AKT1: variants seen among roughly 807,000 people sequenced by gnomAD.
AKT1 encodes the protein RAC-alpha serine/threonine-protein kinase.
Under a neutral mutation model 63.1 loss-of-function variants are expected in AKT1, and 21 were observed. The ratio of observed to expected loss-of-function variants is 0.33; its 90% confidence interval spans 0.24 to 0.48. AKT1 has a LOEUF of 0.48. AKT1 is among the 20% of genes least tolerant of loss of function. The pLI is 0.99. For missense variants in AKT1, 382 were observed against 666.0 expected, an observed-to-expected ratio of 0.57 and a Z score of 4.69; for synonymous variants, 257 against 253.1, an observed-to-expected ratio of 1.02 and a Z score of -0.15.
In AKT1 at chr14:104,775,805, G is replaced by T; in HGVS notation, c.288-6C>A. 6.2e-7 allele frequency: 1 copy of T among 1,613,558 alleles called. No individual in the cohort carries two copies. Among genetic ancestry groups the T allele is most frequent in the Non-Finnish European group, 8.5e-7 (1 of 1,179,778 alleles). On this transcript the variant is annotated splice_region_variant and splice_polypyrimidine_tract_variant and intron_variant, in intron 5 of 14. Transcript: ENST00000649815. ...TGGCGGTTGTCCACTCCTCCCTGCA[G>T]GAGGTCAGGTGAGGCTGCAGGCCTG...
At chr14:104,784,851 C>T (rs1468212178) in intron 3 of AKT1, among the ~76,000 whole-genome samples, 1 of 152,230 alleles carries the variant, frequency 6.6e-6, no homozygotes, top group Non-Finnish European at 1.5e-5. Flanking sequence ...TGGCCCTCCA[C>T]GTCCCGGGAC....
At chr14:104,775,946 G>A (rs1286616824) in intron 5 of AKT1, 147 bp from the exon 6 acceptor site, 1 of 943,006 alleles carries the variant, frequency 1.1e-6, no homozygotes, top group African/African-American at 1.7e-5. Flanking sequence ...ACTTGACCTG[G>A]TCTGGCCACA....
chr14:104,771,249 C>T (rs1315892086), intron 13 of AKT1: 3 of 287,422 alleles, frequency 1.0e-5, no homozygotes, highest in Non-Finnish European at 2.0e-5. Flanking sequence ...ACAAGGTGCA[C>T]AGGATGAGCC....
chr14:104,793,427 C>T (rs1348792626), intron 1 of AKT1, 123 bp from the exon 2 acceptor site: 1 of 207,260 alleles, frequency 4.8e-6, no homozygotes, highest in Non-Finnish European at 9.8e-6. Context: ...ACCCCAGGCC[C>T]CTCCTAAACC....
chr14:104,785,831 G>A (rs1413713610), intron 3 of AKT1, among the ~76,000 whole-genome samples: 2 of 152,052 alleles, frequency 1.3e-5, no homozygotes, highest in African/African-American at 4.8e-5. Flanking sequence ...CGTCCACCTC[G>A]CTGAGGCACA....
intron 1 of AKT1, among the ~76,000 whole-genome samples, chr14:104,794,853 T>C (rs1210558465): frequency 2.0e-5 from 3 of 152,226 alleles, no homozygotes; most frequent in Non-Finnish European, 2.9e-5. Context: ...CGCCCCAGGA[T>C]ACTCAATCTA....
chr14:104,776,898 T>G, intron 4 of AKT1, 128 bp from the exon 5 acceptor site: 4 of 694,568 alleles, frequency 5.8e-6, no homozygotes, highest in Non-Finnish European at 7.2e-6. Flanking sequence ...GCCCCATCTC[T>G]TCCTCTCTCC....
Position 104,776,745 on chromosome 14 carries a change from C to A in AKT1, c.201G>T (p.Arg67=), listed in dbSNP as rs1452532489. 4.3e-6 allele frequency: 7 copies of A among 1,613,120 alleles called. No individual in the cohort carries two copies. Among genetic ancestry groups the A allele is most frequent in the Middle Eastern group, 1.6e-4 (1 of 6,078 alleles). ...GGATGATGAAGGTGTTGGGCCGGGGCCGCTCCGTCTTCATCAGCTGGCACT... is the reference window on the plus strand; with the variant it reads ...GGATGATGAAGGTGTTGGGCCGGGGACGCTCCGTCTTCATCAGCTGGCACT... ...VAQCQLMKTE[R]PRPNTFIIRC... Residue 67 remains arginine, a synonymous_variant, in exon 5 of 15, where the codon CGG becomes CGT. Transcript: ENST00000649815.
At chr14:104,772,010 C>T in intron 13 of AKT1, 1 of 446,338 alleles carries the variant, frequency 2.2e-6, no homozygotes, top group South Asian at 2.7e-5. Context: ...GGCAGCACCC[C>T]TGGTCCACCA....
rs143245295 is a variant in AKT1, at chr14:104,776,120, G to A, written c.288-321C>T. The A allele has an allele frequency of 0.015, 3,920 of 255,962 alleles. 68 individuals carry two copies. Among genetic ancestry groups the A allele is most frequent in the South Asian group, 0.054 (995 of 18,416 alleles). The allele number at this position is 255,962 out of a possible 1,614,324, so 15.9% of individuals were successfully genotyped here. On this transcript the variant is annotated intron_variant, in intron 5 of 14. Coordinates refer to ENST00000649815, the MANE Select transcript of AKT1 (RefSeq NM_001382430.1). ...GACTCCGCCTCCCAAGCAGGACTCC[G>A]CCCCCCAAGGAGGACTGGCCCTCTC...
rs952698197 is a variant in AKT1, at chr14:104,772,872, C to T, written c.1172+6G>A. On this transcript the variant is annotated splice_donor_region_variant and intron_variant, in intron 12 of 14. Coordinates refer to ENST00000649815, the MANE Select transcript of AKT1 (RefSeq NM_001382430.1). ...GTAGCCTGTAGCTGGGATGGGCGGC[C>T]CTCACCTCTGCTTGGGGTCCTTCTT... is the stretch of plus-strand genomic sequence containing the variant. 6.2e-7 allele frequency: 1 copy of T among 1,605,682 alleles called. No individual in the cohort carries two copies.
At position 104,769,673 on chromosome 14, in the gene AKT1, TA is replaced by T. The variant is rs1318675066; in HGVS notation, c.*667del. 2.1e-6 allele frequency: 1 copy of T among 467,846 alleles called. No homozygotes were observed. The highest frequency in any genetic ancestry group is 1.7e-5 in the South Asian group (1 of 57,300). 29.0% of individuals were successfully genotyped at this position (467,846 alleles called of 1,614,324 possible). A position where few individuals can be genotyped will look rare whatever the true frequency, so the allele number is the denominator to read the frequency against. ...GGGAGGGCTTTCCTGTCACAAAGATTAAAAACCCCCAAAATGCATTTGAACA... is the reference window on the plus strand; with the variant it reads ...GGGAGGGCTTTCCTGTCACAAAGATTAAAACCCCCAAAATGCATTTGAACA... On this transcript the variant is annotated 3_prime_UTR_variant, in exon 15 of 15. Transcript: ENST00000649815.
In AKT1 at chr14:104,780,244, C is replaced by T. The variant is rs61761180; in HGVS notation, c.47-28G>A. On this transcript the variant is annotated intron_variant, in intron 3 of 14. Coordinates refer to ENST00000649815, the MANE Select transcript of AKT1 (RefSeq NM_001382430.1). Reference sequence around the variant, plus strand: ...ACAGACGTGCGGGTGGTGAGAGCCACGCACACTCTACCCGTCAGACCCTCG... The same window carrying T: ...ACAGACGTGCGGGTGGTGAGAGCCATGCACACTCTACCCGTCAGACCCTCG... 378 of 1,610,790 alleles carry T rather than the reference C, an allele frequency of 2.3e-4. No homozygotes were observed. The African/African-American group carries it at 3.4e-3, about 14-fold the overall frequency.
At chr14:104,786,661 G>A (rs910378272) in intron 3 of AKT1, among the ~76,000 whole-genome samples, 5 of 152,220 alleles carry the variant, frequency 3.3e-5, no homozygotes, top group African/African-American at 4.8e-5. Context: ...CCACCATCTT[G>A]TTTCTGCCCC....
At chr14:104,785,242 C>G (rs116279834) in intron 3 of AKT1, among the ~76,000 whole-genome samples, 1 of 152,158 alleles carries the variant, frequency 6.6e-6, no homozygotes, top group Non-Finnish European at 1.5e-5. Flanking sequence ...CACAGCTCAC[C>G]GCGAAGGGCC....
At position 104,773,585 on chromosome 14, in the gene AKT1, G is replaced by A. The variant is rs377077146; in HGVS notation, c.703-5C>T. ...CCGGGACAGGTGGAAGAACAGCTGC[G>A]GGAGGCGCAACCTGAGGCACAGCCG... is the stretch of plus-strand genomic sequence containing the variant. On this transcript the variant is annotated splice_polypyrimidine_tract_variant and splice_region_variant and intron_variant, in intron 9 of 14. Transcript: ENST00000649815. 41 of 1,602,268 alleles carry A rather than the reference G, an allele frequency of 2.6e-5. No individual in the cohort carries two copies. Among genetic ancestry groups the A allele is most frequent in the East Asian group, 1.1e-4 (5 of 44,376 alleles).
At chr14:104,788,897 C>T (rs975174843) in intron 3 of AKT1, among the ~76,000 whole-genome samples, 42 of 152,166 alleles carry the variant, frequency 2.8e-4, no homozygotes, top group Admixed American at 7.2e-4. Context: ...ACTCAGATGT[C>T]CGGAGACTGG....
Position 104,770,824 on chromosome 14 carries a change from C to G in AKT1, c.1284G>C (p.Gln428His). ...ACCTGGTGTCAGTCTCCGACGTGAC[C>G]TGGGGCTTGAAGGGTGGGCTGAGCT... ...EKKLSPPFKP[Q>H]VTSETDTRYF... Residue 428 changes from glutamine (Q) to histidine (H), a missense_variant, in exon 14 of 15, where the codon CAG becomes CAC. Physicochemically the swap from Gln to His is conservative, Grantham distance 24 (BLOSUM62 0). Around this residue, in one of 3 missense-constraint regions of AKT1, gnomAD observed 90 missense variants for 120.5 expected, o/e 0.75. Transcript: ENST00000649815. 1 of 1,614,154 alleles carries G rather than the reference C, an allele frequency of 6.2e-7. No individual in the cohort carries two copies. Among genetic ancestry groups the G allele is most frequent in the East Asian group, 2.2e-5 (1 of 44,886 alleles).
chr14:104,770,480 A>T, intron 14 of AKT1, 60 bp from the exon 15 acceptor site: 1 of 1,476,466 alleles, frequency 6.8e-7, no homozygotes. Flanking sequence ...CCACCCACCC[A>T]CAGCTCCAGT....
Sources: allele counts gnomAD v4.1 joint callset (sites outside exome capture counted in the v4.1 genomes callset), GRCh38; gene constraint gnomAD v4.1.1; regional missense constraint gnomAD v4.1.1; transcripts MANE v1.5; gene names NCBI Gene and HGNC (gene_info 2026-07-23, HGNC 2026-07-21).